GRID2: variants seen among roughly 807,000 people sequenced by gnomAD.
GRID2 encodes the protein glutamate receptor ionotropic, delta-2.
A neutral mutation model predicts 114.8 loss-of-function variants in GRID2; 33 were observed. The ratio of observed to expected loss-of-function variants is 0.29; its 90% CI spans 0.22 to 0.38. The LOEUF is 0.38. GRID2 is among the 10% of genes least tolerant of loss of function. The probability of loss-of-function intolerance (pLI) is 1.00; values close to 1 mark genes in which losing one functional copy is unlikely to be tolerated. For synonymous variants in GRID2, 505 were observed against 449.9 expected (o/e 1.12, Z -1.55); for missense variants, 1,184 against 1,257.7 (o/e 0.94, Z 0.89).
At chr4:92,739,081 T>A (rs1177067861) in intron 2 of GRID2, among the ~76,000 whole-genome samples, 1 of 152,162 alleles carries the variant, frequency 6.6e-6, no homozygotes, top group Non-Finnish European at 1.5e-5. Flanking sequence ...CTCACTCCTA[T>A]CTAGCTGTCT....
intron 14 of GRID2, among the ~76,000 whole-genome samples, chr4:93,630,934 T>C (rs1743187502): frequency 6.6e-6 from 1 of 152,202 alleles, no homozygotes; most frequent in South Asian, 2.1e-4. Flanking sequence ...CAAGCTTATA[T>C]TCTTATATTG....
At chr4:92,997,212 G>A (rs999470018) in intron 2 of GRID2, among the ~76,000 whole-genome samples, 1 of 152,154 alleles carries the variant, frequency 6.6e-6, no homozygotes, top group Non-Finnish European at 1.5e-5. Flanking sequence ...ATGTGTCAAG[G>A]CTGTGAAAGA....
At chr4:93,589,457 G>A (rs1272991144) in intron 13 of GRID2, among the ~76,000 whole-genome samples, 4 of 151,782 alleles carry the variant, frequency 2.6e-5, no homozygotes. Flanking sequence ...TATCATTGTT[G>A]GACATTTGGG....
chr4:93,088,856 C>G (rs1730546167), intron 3 of GRID2, among the ~76,000 whole-genome samples: 2 of 151,968 alleles, frequency 1.3e-5, no homozygotes, highest in Non-Finnish European at 2.9e-5. Context: ...AGTATCAGAT[C>G]AGAGATTTAA....
intron 4 of GRID2, among the ~76,000 whole-genome samples, chr4:93,126,059 C>T (rs896091076): frequency 1.3e-5 from 2 of 152,160 alleles, no homozygotes; most frequent in African/African-American, 4.8e-5. Flanking sequence ...CTTCTTCAAT[C>T]CACATCTCTT....
At chr4:92,770,477 A>G (rs1738487904) in intron 2 of GRID2, among the ~76,000 whole-genome samples, 2 of 152,152 alleles carry the variant, frequency 1.3e-5, no homozygotes, top group Non-Finnish European at 1.5e-5. Context: ...CTCCCAGCAC[A>G]AATTTACTCT....
chr4:93,699,429 A>G (rs757405904), intron 14 of GRID2, among the ~76,000 whole-genome samples: 16 of 152,148 alleles, frequency 1.1e-4, no homozygotes, highest in Non-Finnish European at 2.1e-4. Context: ...CTGAAAGGGT[A>G]GAAAGGATAC....
chr4:93,630,819 T>C (rs1365991809), intron 14 of GRID2, among the ~76,000 whole-genome samples: 1 of 152,138 alleles, frequency 6.6e-6, no homozygotes, highest in Non-Finnish European at 1.5e-5. Context: ...AAAAAAGCAA[T>C]AAAATTGGAA....
At chr4:93,126,584 CTTTTTTTTT>C (rs60017147) in intron 4 of GRID2, among the ~76,000 whole-genome samples, 371 of 52,726 alleles carry the variant, frequency 7.0e-3, no homozygotes, top group African/African-American at 0.028. Context: ...CTATTTAATT[CTTTTTTTTT>C]TTTTTTTTTT....
chr4:93,236,884 A>C (rs1422333737), intron 7 of GRID2, among the ~76,000 whole-genome samples: 2 of 152,110 alleles, frequency 1.3e-5, no homozygotes, highest in African/African-American at 4.8e-5. Context: ...GATTTCTAAG[A>C]GAACTAAAAA....
At chr4:92,779,050 T>G (rs966136403) in intron 2 of GRID2, among the ~76,000 whole-genome samples, 3 of 152,068 alleles carry the variant, frequency 2.0e-5, no homozygotes, top group African/African-American at 7.2e-5. Flanking sequence ...ATGTATGAAA[T>G]GTAAGGCAAT....
intron 2 of GRID2, among the ~76,000 whole-genome samples, chr4:92,983,027 G>A (rs749119692): frequency 2.0e-5 from 3 of 151,986 alleles, no homozygotes; most frequent in African/African-American, 7.2e-5. Context: ...AGGAAGCCAA[G>A]TATCTACCGT....
rs752709743 is a variant in GRID2 at position 92,957,243 on chromosome 4, AT to A, written c.245-127743del. The stretch of plus-strand genomic sequence containing the variant: ...TTACCATCAAACCCAAGGTCATATG[AT>A]TTTTTTTTCTATGTTATGTTGTAGG... On this transcript the variant is annotated intron_variant, in intron 2 of 15. Coordinates refer to ENST00000282020, the MANE Select transcript of GRID2 (RefSeq NM_001510.4). Among the ~76,000 whole-genome samples the A allele has an allele frequency of 2.8e-4, 43 of 151,194 alleles. No individual in the cohort carries two copies. In the East Asian group the frequency reaches 6.4e-3, roughly 23 times the overall value.
At chr4:92,924,491 TAA>T (rs1045328124) in intron 2 of GRID2, among the ~76,000 whole-genome samples, 4 of 152,154 alleles carry the variant, frequency 2.6e-5, no homozygotes, top group African/African-American at 7.2e-5. Flanking sequence ...TTTCTGAAAT[TAA>T]GTTTTGTTTG....
chr4:93,555,008 G>A lies in GRID2; in HGVS notation c.2193+39597G>A, dbSNP rs148426549. 1.4e-4 allele frequency among the ~76,000 whole-genome samples: 22 copies of A among 152,200 alleles called. 1 individual carries two copies. In the South Asian group the frequency reaches 1.9e-3, roughly 13 times the overall value. On this transcript the variant is annotated intron_variant, in intron 13 of 15. Transcript: ENST00000282020. ...CCTCACCCAGGAAACACAAGAGATC[G>A]GAGAACTCCCTCACCTAGCCAAGGG...
chr4:93,231,022 C>T (rs1279360538), intron 7 of GRID2, among the ~76,000 whole-genome samples: 2 of 151,928 alleles, frequency 1.3e-5, no homozygotes, highest in African/African-American at 4.8e-5. Flanking sequence ...TAAATTTGAG[C>T]TGTTCTGGAA....
At chr4:92,826,947 A>G (rs1412941617) in intron 2 of GRID2, among the ~76,000 whole-genome samples, 2 of 152,034 alleles carry the variant, frequency 1.3e-5, no homozygotes, top group Non-Finnish European at 2.9e-5. Context: ...AGAAGAGTTC[A>G]TTGATATGTT....
At chr4:92,943,585 A>T (rs1048363798) in intron 2 of GRID2, among the ~76,000 whole-genome samples, 2 of 152,114 alleles carry the variant, frequency 1.3e-5, no homozygotes, top group African/African-American at 4.8e-5. Flanking sequence ...AACTCGTCAA[A>T]GTCATTCTCC....
At chr4:93,280,837 T>C (rs1448736333) in intron 8 of GRID2, among the ~76,000 whole-genome samples, 1 of 151,982 alleles carries the variant, frequency 6.6e-6, no homozygotes, top group Non-Finnish European at 1.5e-5. Context: ...TTGTGGTTTA[T>C]TGGTCTGAGG....
Sources: gnomAD v4.1 joint callset for allele counts (sites outside exome capture counted in the v4.1 genomes callset) on GRCh38, gnomAD v4.1.1 for gene constraint, MANE v1.5 for transcripts, NCBI Gene and HGNC (gene_info 2026-07-23, HGNC 2026-07-21) for gene names.